ATF7IP2: variants seen among roughly 807,000 people sequenced by gnomAD.
ATF7IP2 encodes the protein activating transcription factor 7 interacting protein 2, also known as activating transcription factor 7-interacting protein 2.
Under a neutral mutation model 64.2 loss-of-function variants are expected in ATF7IP2, and 42 were observed. The observed-to-expected ratio is 0.65, with a 90% CI of 0.51 to 0.85. The LOEUF (loss-of-function observed/expected upper bound fraction) is 0.85. Among genes scored for constraint, ATF7IP2 ranks in the 40% least tolerant of loss-of-function variants. The pLI, the probability that ATF7IP2 is intolerant of heterozygous loss-of-function variation, is 0.00. For missense variants in ATF7IP2, 933 were observed against 784.2 expected (o/e 1.19, Z -2.27); for synonymous variants, 308 against 272.8 (o/e 1.13, Z -1.27).
At chr16:10,461,065 C>A (rs547631480) in intron 9 of ATF7IP2, among the ~76,000 whole-genome samples, 1 of 152,020 alleles carries the variant, frequency 6.6e-6, no homozygotes, top group South Asian at 2.1e-4. Flanking sequence ...AAGAGGAGTT[C>A]GAAATGGCCA....
chr16:10,417,004 A>G (rs898235366), intron 2 of ATF7IP2, among the ~76,000 whole-genome samples: 2 of 152,340 alleles, frequency 1.3e-5, no homozygotes, highest in Admixed American at 6.5e-5. Flanking sequence ...TCTGTATCAA[A>G]TTATCTTATG....
intron 2 of ATF7IP2, among the ~76,000 whole-genome samples, chr16:10,418,505 T>A (rs2047923236): frequency 6.6e-6 from 1 of 152,176 alleles, no homozygotes. Flanking sequence ...AGGATCCACA[T>A]CTGCAGACTA....
At chr16:10,479,536 G>C (rs2050138771) in intron 12 of ATF7IP2, among the ~76,000 whole-genome samples, 1 of 151,968 alleles carries the variant, frequency 6.6e-6, no homozygotes, top group Admixed American at 6.6e-5. Flanking sequence ...AGCATTAGGA[G>C]ATATACCTAA....
chr16:10,401,813 C>T (rs1269191364), intron 1 of ATF7IP2, among the ~76,000 whole-genome samples: 1 of 143,264 alleles, frequency 7.0e-6, no homozygotes, highest in Admixed American at 7.0e-5. Context: ...TTCAGGATTT[C>T]TGTTTCTTCT....
intron 1 of ATF7IP2, among the ~76,000 whole-genome samples, chr16:10,399,771 T>C (rs1159434555): frequency 2.0e-5 from 3 of 152,230 alleles, no homozygotes; most frequent in Non-Finnish European, 2.9e-5. Flanking sequence ...TGTAGATTGC[T>C]TTGGGCAGTA....
intron 1 of ATF7IP2, among the ~76,000 whole-genome samples, chr16:10,408,885 T>C (rs1338438634): frequency 4.6e-5 from 7 of 152,214 alleles, no homozygotes; most frequent in Admixed American, 2.0e-4. Context: ...TGCATTTGCT[T>C]TTGGGTTTTT....
chr16:10,398,589 G>T (rs900798912), intron 1 of ATF7IP2, among the ~76,000 whole-genome samples: 5 of 152,124 alleles, frequency 3.3e-5, no homozygotes, highest in Admixed American at 2.6e-4. Context: ...AGAAAATGTG[G>T]TATATGTATA....
intron 8 of ATF7IP2, chr16:10,448,775 CTCT>C (rs1489118658): frequency 5.3e-5 from 8 of 152,178 alleles, no homozygotes; most frequent in African/African-American, 1.9e-4. Flanking sequence ...TTGACTTCCT[CTCT>C]TCTTATTTGA....
chr16:10,412,010 GTTTTT>G (rs71133351), intron 1 of ATF7IP2, among the ~76,000 whole-genome samples: 2 of 58,388 alleles, frequency 3.4e-5, no homozygotes, highest in African/African-American at 6.1e-5. Context: ...ATCTTTTTTT[GTTTTT>G]TTTTTTTTTT....
intron 12 of ATF7IP2, among the ~76,000 whole-genome samples, chr16:10,476,312 A>C (rs2050005999): frequency 6.6e-6 from 1 of 152,236 alleles, no homozygotes; most frequent in South Asian, 2.1e-4. Flanking sequence ...GAAAAATATA[A>C]GTAAAAGAAA....
At chr16:10,477,868 CAGAG>C (rs1194545049) in intron 12 of ATF7IP2, among the ~76,000 whole-genome samples, 2 of 151,100 alleles carry the variant, frequency 1.3e-5, no homozygotes, top group Admixed American at 6.6e-5. Context: ...AACAGACAAA[CAGAG>C]AGCCAAATCA....
At chr16:10,440,316 T>C (rs763784264) in intron 7 of ATF7IP2, 48 bp from the exon 8 acceptor site, 4 of 905,510 alleles carry the variant, frequency 4.4e-6, no homozygotes, top group African/African-American at 1.7e-5. Context: ...CTCTATGTGA[T>C]ATATAGTACT....
At chr16:10,428,004 A>C (rs989837940) in intron 3 of ATF7IP2, among the ~76,000 whole-genome samples, 1 of 152,260 alleles carries the variant, frequency 6.6e-6, no homozygotes, top group Non-Finnish European at 1.5e-5. Context: ...AATTTTGTAC[A>C]TATACATAAC....
At chr16:10,395,259 G>T (rs1267329678) in intron 1 of ATF7IP2, among the ~76,000 whole-genome samples, 7 of 152,024 alleles carry the variant, frequency 4.6e-5, no homozygotes, top group Non-Finnish European at 8.8e-5. Flanking sequence ...ACACAAAACT[G>T]CCAGAACTGA....
intron 1 of ATF7IP2, among the ~76,000 whole-genome samples, chr16:10,405,182 G>T (rs1307000450): frequency 6.6e-6 from 1 of 151,840 alleles, no homozygotes; most frequent in East Asian, 1.9e-4. Flanking sequence ...GGCCAACATG[G>T]TGAAACCCGG....
intron 1 of ATF7IP2, among the ~76,000 whole-genome samples, chr16:10,406,227 C>A (rs918360237): frequency 6.6e-6 from 1 of 152,186 alleles, no homozygotes; most frequent in Non-Finnish European, 1.5e-5. Context: ...CCATCTCAGC[C>A]TCTCGAGTAG....
intron 9 of ATF7IP2, among the ~76,000 whole-genome samples, chr16:10,458,469 A>C (rs1276037073): frequency 6.6e-6 from 1 of 152,250 alleles, no homozygotes; most frequent in South Asian, 2.1e-4. Flanking sequence ...TGTGTCTTTT[A>C]TATGAACAAA....
intron 8 of ATF7IP2, among the ~76,000 whole-genome samples, chr16:10,441,736 C>G (rs893510119): frequency 1.3e-5 from 2 of 152,182 alleles, no homozygotes; most frequent in African/African-American, 2.4e-5. Flanking sequence ...TGCGCAGAAT[C>G]TCTTTAGTTT....
At chr16:10,462,660 G>A (rs1226311329) in intron 9 of ATF7IP2, among the ~76,000 whole-genome samples, 1 of 152,112 alleles carries the variant, frequency 6.6e-6, no homozygotes, top group Non-Finnish European at 1.5e-5. Context: ...GTTAGGTGGT[G>A]GGGTGGTGGT....
Sources: allele counts gnomAD v4.1 joint callset (sites outside exome capture counted in the v4.1 genomes callset), GRCh38; gene constraint gnomAD v4.1.1; transcripts MANE v1.5; gene names NCBI Gene and HGNC (gene_info 2026-07-23, HGNC 2026-07-21).